The following BRD3 variants were observed in gnomAD, a reference collection of about 807,000 sequenced individuals.
BRD3 encodes bromodomain containing 3.
BRD3 carries 17 observed loss-of-function variants against 66.8 expected under a neutral mutation model. The ratio of observed to expected loss-of-function variants is 0.25; its 90% CI spans 0.17 to 0.38. BRD3 has a LOEUF of 0.38. Ranked by LOEUF, BRD3 falls within the 10% of genes least tolerant of loss-of-function variation. The pLI, the probability that BRD3 is intolerant of heterozygous loss-of-function variation, is 1.00. For missense variants in BRD3, 713 were observed against 956.1 expected (o/e 0.75, Z 3.35); for synonymous variants, 421 against 393.2 (o/e 1.07, Z -0.84).
intron 1 of BRD3, chr9:134,054,430 A>G (rs1830371492): frequency 6.6e-6 from 1 of 152,296 alleles, no homozygotes; most frequent in Non-Finnish European, 1.5e-5. Flanking sequence ...ACAGTGGAGA[A>G]CGCATGCAGG....
intron 9 of BRD3, among the ~76,000 whole-genome samples, chr9:134,038,091 T>C (rs529209932): frequency 6.6e-6 from 1 of 152,316 alleles, no homozygotes; most frequent in African/African-American, 2.4e-5. Context: ...AACATTTAAG[T>C]ATTAATATCA....
chr9:134,053,586 G>C lies in BRD3; in HGVS notation c.-109C>G, dbSNP rs199990931. The stretch of plus-strand genomic sequence containing the variant: ...GTCCCATTTCCGGGCCCAACCAGGC[G>C]ACAGCTGCAGAGGAGGAAGCACAAC... On this transcript the variant is annotated 5_prime_UTR_variant, in exon 2 of 12. Coordinates refer to ENST00000303407, the MANE Select transcript of BRD3 (RefSeq NM_007371.4). 6.2e-6 allele frequency: 9 copies of C among 1,446,266 alleles called. No homozygotes were observed. Among genetic ancestry groups the C allele is most frequent in the Non-Finnish European group, 8.2e-6 (9 of 1,103,464 alleles). The allele number at this position is 1,446,266 out of a possible 1,614,324, so 89.6% of individuals were successfully genotyped here.
chr9:134,040,655 G>A (rs1830024837), intron 8 of BRD3, among the ~76,000 whole-genome samples: 1 of 152,206 alleles, frequency 6.6e-6, no homozygotes, highest in Non-Finnish European at 1.5e-5. Context: ...GTAGTTTGCT[G>A]CACCCATCAA....
chr9:134,039,827 C>T (rs1382058410), intron 9 of BRD3, among the ~76,000 whole-genome samples: 1 of 152,044 alleles, frequency 6.6e-6, no homozygotes, highest in African/African-American at 2.4e-5. Context: ...AGAATCCAGG[C>T]CAGCCCCGCA....
chr9:134,062,104 G>A (rs1335714285), intron 1 of BRD3, among the ~76,000 whole-genome samples: 1 of 152,180 alleles, frequency 6.6e-6, no homozygotes, highest in Non-Finnish European at 1.5e-5. Flanking sequence ...TCGGGGGTTG[G>A]GGGCCCCCTG....
intron 1 of BRD3, among the ~76,000 whole-genome samples, chr9:134,063,031 A>G (rs1431340926): frequency 6.6e-6 from 1 of 151,744 alleles, no homozygotes; most frequent in African/African-American, 2.4e-5. Flanking sequence ...CAAGAACCAA[A>G]CTCACAAAAC....
rs763007474 is a variant in BRD3, at chr9:134,050,364, G to A, written c.714+10C>T. On this transcript the variant is annotated intron_variant, in intron 5 of 11. Coordinates refer to ENST00000303407, the MANE Select transcript of BRD3 (RefSeq NM_007371.4). ...CAGGTGCCCCACCCATCCGGACTCA[G>A]GGTGCTCACCTTGACGACAGGCGGC... is the stretch of plus-strand genomic sequence containing the variant. 1.2e-6 allele frequency: 2 copies of A among 1,607,284 alleles called. No homozygotes were observed. The highest frequency in any genetic ancestry group is 1.7e-6 in the Non-Finnish European group (2 of 1,177,602).
intron 3 of BRD3, 97 bp from the exon 4 acceptor site, chr9:134,051,806 GTTAACAGA>G: frequency 7.4e-7 from 1 of 1,358,842 alleles, no homozygotes; most frequent in East Asian, 2.9e-5. Flanking sequence ...TTTAAAATTT[GTTAACAGA>G]TTTGGCAGCG....
At chr9:134,054,267 C>G (rs1373944331) in intron 1 of BRD3, 1 of 152,236 alleles carries the variant, frequency 6.6e-6, no homozygotes, top group Non-Finnish European at 1.5e-5. Flanking sequence ...CTCCACACCC[C>G]AGCTGACCAC....
At chr9:134,038,542 G>A (rs1004213991) in intron 9 of BRD3, among the ~76,000 whole-genome samples, 1 of 152,090 alleles carries the variant, frequency 6.6e-6, no homozygotes, top group African/African-American at 2.4e-5. Context: ...CTCCTGCCTG[G>A]CCCTCCCAAA....
chr9:134,035,382 T>G (rs956324368), intron 10 of BRD3, among the ~76,000 whole-genome samples: 2 of 152,126 alleles, frequency 1.3e-5, no homozygotes, highest in Non-Finnish European at 2.9e-5. Context: ...CAAGTTCAAG[T>G]GAGCCCTGCA....
chr9:134,033,439 T>C lies in BRD3; in HGVS notation c.*151A>G, dbSNP rs201884964. 2 of 582,280 alleles carry C rather than the reference T, an allele frequency of 3.4e-6. No homozygotes were observed. The highest frequency in any genetic ancestry group is 6.0e-5 in the Admixed American group (2 of 33,260). 36.1% of individuals were successfully genotyped at this position (582,280 alleles called of 1,614,324 possible). A position where few individuals can be genotyped will look rare whatever the true frequency, so the allele number is the denominator to read the frequency against. ...GCACACACAAGATAGATCTCTGACC[T>C]ATGAAAGCAAAAACTGGAAGATATC... On this transcript the variant is annotated 3_prime_UTR_variant, in exon 12 of 12. Transcript: ENST00000303407. This position sits in a 1 kb window ranked among gnomAD's most constrained non-coding sequence, Gnocchi z 5.1.
Position 134,053,562 on chromosome 9 carries a change from TC to T in BRD3, c.-86del, listed in dbSNP as rs1267933603. On this transcript the variant is annotated 5_prime_UTR_variant, in exon 2 of 12. It introduces an in-frame stop codon into an upstream open reading frame of the 5' UTR. Coordinates refer to ENST00000303407, the MANE Select transcript of BRD3 (RefSeq NM_007371.4). ...CTACGCTCCCTGAGAAAGCGCGACG[TC>T]CCATTTCCGGGCCCAACCAGGCGAC... The T allele has an allele frequency of 2.1e-6, 3 of 1,450,618 alleles. No homozygotes were observed. 89.9% of individuals were successfully genotyped at this position (1,450,618 alleles called of 1,614,324 possible). A position where few individuals can be genotyped will look rare whatever the true frequency, so the allele number is the denominator to read the frequency against.
At position 134,031,455 on chromosome 9, in the gene BRD3, G is replaced by T. The variant is rs1843511448; in HGVS notation, c.*2135C>A. 4.9e-6 allele frequency: 1 copy of T among 203,532 alleles called. No individual in the cohort carries two copies. The highest frequency in any genetic ancestry group is 1.0e-5 in the Non-Finnish European group (1 of 99,392). The allele number at this position is 203,532 out of a possible 1,614,324, so 12.6% of individuals were successfully genotyped here. Reference sequence around the variant, plus strand: ...GTCGTGTGTGAATTCCTTAAATTCGGTTTAAATAGTCCATTAAAGATCTGT... The same window carrying T: ...GTCGTGTGTGAATTCCTTAAATTCGTTTTAAATAGTCCATTAAAGATCTGT... On this transcript the variant is annotated 3_prime_UTR_variant, in exon 12 of 12. Coordinates refer to ENST00000303407, the MANE Select transcript of BRD3 (RefSeq NM_007371.4).
Position 134,045,029 on chromosome 9 carries a change from G to T in BRD3, c.1215+264C>A, listed in dbSNP as rs1337249635. Among the ~76,000 whole-genome samples the T allele has an allele frequency of 2.6e-5, 4 of 152,190 alleles. No individual in the cohort carries two copies. Among genetic ancestry groups the T allele is most frequent in the African/African-American group, 9.7e-5 (4 of 41,444 alleles). On this transcript the variant is annotated intron_variant, in intron 7 of 11. Transcript: ENST00000303407. This position sits in a 1 kb window ranked among gnomAD's most constrained non-coding sequence, Gnocchi z 4.8. The stretch of plus-strand genomic sequence containing the variant: ...CTGGTACACGCACCAGTCCCTGGAG[G>T]GAAAGACTCACTACTGCGACACCCC...
In BRD3 at chr9:134,034,751, A is replaced by T; in HGVS notation, c.2015T>A (p.Leu672Gln). 1.2e-6 allele frequency: 2 copies of T among 1,610,462 alleles called. No individual in the cohort carries two copies. Reference protein sequence around the residue: ...QEKKKELEKRLQDVSGQLSSS... With the variant: ...QEKKKELEKRQQDVSGQLSSS... Reference sequence around the variant, plus strand: ...GCTCAGCTGCCCGCTGACATCCTGCAGACGCTTTTCCAGCTCCTTCTTCTT... The same window carrying T: ...GCTCAGCTGCCCGCTGACATCCTGCTGACGCTTTTCCAGCTCCTTCTTCTT... The change falls in exon 11 of 12, where the codon CTG (leucine) becomes CAG (glutamine). Residue 672 changes from leucine (L) to glutamine (Q), a missense_variant. Leu to Gln is a moderately radical substitution (Grantham distance 113, BLOSUM62 -2). Around this residue, in one of 5 missense-constraint regions of BRD3, gnomAD observed 418 missense variants for 609.3 expected, o/e 0.69. Coordinates refer to ENST00000303407, the MANE Select transcript of BRD3 (RefSeq NM_007371.4).
In BRD3 at chr9:134,033,302, C is replaced by G. The variant is rs566397754; in HGVS notation, c.*288G>C. On this transcript the variant is annotated 3_prime_UTR_variant, in exon 12 of 12. Transcript: ENST00000303407. This position sits in a 1 kb window ranked among gnomAD's most constrained non-coding sequence, Gnocchi z 5.1. ...AAGGTTCTTCGGTACGAATCTCACACGGTTTTCTGGGGTCATCGGGTTAGC... is the reference window on the plus strand; with the variant it reads ...AAGGTTCTTCGGTACGAATCTCACAGGGTTTTCTGGGGTCATCGGGTTAGC... The G allele has an allele frequency of 2.3e-6, 1 of 429,084 alleles. No individual in the cohort carries two copies. The highest frequency in any genetic ancestry group is 4.1e-6 in the Non-Finnish European group (1 of 243,762). 26.6% of individuals were successfully genotyped at this position (429,084 alleles called of 1,614,324 possible).
chr9:134,044,528 C>A (rs898852111), intron 7 of BRD3, among the ~76,000 whole-genome samples: 5 of 152,166 alleles, frequency 3.3e-5, no homozygotes, highest in Non-Finnish European at 5.9e-5. Flanking sequence ...AAATCAAGTC[C>A]TTTGATTAAC....
intron 7 of BRD3, 35 bp from the exon 8 acceptor site, chr9:134,041,986 G>A (rs467317): frequency 0.4 from 600,809 of 1,520,490 alleles, 123,763 homozygotes; most frequent in East Asian, 0.7. Flanking sequence ...GAAGACATGG[G>A]TGCCCATGGG....
Sources: allele counts gnomAD v4.1 joint callset (sites outside exome capture counted in the v4.1 genomes callset), GRCh38; gene constraint gnomAD v4.1.1; regional missense constraint gnomAD v4.1.1; non-coding constraint Gnocchi (gnomAD v3.1); transcripts MANE v1.5; gene names NCBI Gene and HGNC (gene_info 2026-07-23, HGNC 2026-07-21).